The following RAB10 variants were observed in gnomAD, a reference collection of about 807,000 sequenced individuals.
RAB10 encodes the protein RAB10, member RAS oncogene family.
In RAB10, 5 loss-of-function variants were observed where a neutral mutation model predicts 25.7. The observed-to-expected ratio is 0.19, with a 90% confidence interval of 0.10 to 0.41. The LOEUF (loss-of-function observed/expected upper bound fraction) is 0.41. RAB10 is among the 10% of genes least tolerant of loss of function. The probability of loss-of-function intolerance (pLI) is 1.00; values close to 1 mark genes in which losing one functional copy is unlikely to be tolerated. For synonymous variants in RAB10, 89 were observed against 86.4 expected (o/e 1.03, Z -0.16); for missense variants, 103 against 245.8 (o/e 0.42, Z 3.89).
chr2:26,113,743 TAAA>T (rs56063928), intron 3 of RAB10, among the ~76,000 whole-genome samples: 3,933 of 125,558 alleles, frequency 0.031, 168 homozygotes, highest in African/African-American at 0.11. Flanking sequence ...CAGCCAGAGC[TAAA>T]AAAAAAAAAA....
At chr2:26,100,179 C>T (rs1354627794) in intron 2 of RAB10, among the ~76,000 whole-genome samples, 1 of 152,188 alleles carries the variant, frequency 6.6e-6, no homozygotes, top group Non-Finnish European at 1.5e-5. Flanking sequence ...ATGCCCAAGT[C>T]TAATCCAGTC....
intron 3 of RAB10, among the ~76,000 whole-genome samples, chr2:26,111,815 G>A (rs1667578175): frequency 6.6e-6 from 1 of 152,108 alleles, no homozygotes; most frequent in African/African-American, 2.4e-5. Context: ...CCCTGAATTA[G>A]TATCAGACTC....
At chr2:26,035,272 C>G (rs1419132534) in intron 1 of RAB10, among the ~76,000 whole-genome samples, 1 of 152,122 alleles carries the variant, frequency 6.6e-6, no homozygotes, top group Non-Finnish European at 1.5e-5. Flanking sequence ...GTCAAACAAT[C>G]GGAGGCTCTT....
At chr2:26,109,984 G>C in intron 3 of RAB10, 78 bp downstream of exon 3, 1 of 1,339,096 alleles carries the variant, frequency 7.5e-7, no homozygotes, top group Non-Finnish European at 1.0e-6. Flanking sequence ...TATTCCAACT[G>C]ATCTTCAGGA....
At chr2:26,082,873 A>G (rs996251758) in intron 1 of RAB10, among the ~76,000 whole-genome samples, 3 of 152,150 alleles carry the variant, frequency 2.0e-5, no homozygotes, top group Non-Finnish European at 4.4e-5. Context: ...AAATCCAGGA[A>G]TTTATGAAAA....
intron 5 of RAB10, among the ~76,000 whole-genome samples, chr2:26,129,044 G>A (rs1418286707): frequency 5.3e-5 from 8 of 152,058 alleles, no homozygotes; most frequent in Admixed American, 1.3e-4. Context: ...AGGCTGAGGC[G>A]GGTGGATCAC....
intron 1 of RAB10, among the ~76,000 whole-genome samples, chr2:26,096,771 G>A (rs1164467287): frequency 6.6e-6 from 1 of 152,128 alleles, no homozygotes; most frequent in Non-Finnish European, 1.5e-5. Context: ...TGCTTTAGCT[G>A]TATCCTACAA....
At chr2:26,098,391 G>A (rs1336208941) in intron 1 of RAB10, 5 of 364,364 alleles carry the variant, frequency 1.4e-5, no homozygotes, top group African/African-American at 1.1e-4. Context: ...GCCCACCTCA[G>A]CCTCTCAAAA....
At chr2:26,091,426 T>C (rs1485467932) in intron 1 of RAB10, among the ~76,000 whole-genome samples, 2 of 152,014 alleles carry the variant, frequency 1.3e-5, no homozygotes, top group African/African-American at 4.8e-5. Context: ...GGAAAGGTAG[T>C]GAGAGGCGAA....
Position 26,109,778 on chromosome 2 carries a change from G to A in RAB10, c.199G>A (p.Gly67Ser). The change falls in exon 3 of 6, where the codon GGC becomes AGC. Residue 67 changes from glycine (G) to serine (S), a missense_variant. Transcript: ENST00000264710. ...KIKLQIWDTA[G>S]QERFHTITTS... ...GGCTGTTTATTTCAGGGATACAGCA[G>A]GCCAGGAGCGATTTCACACCATCAC... 1 of 1,598,014 alleles carries A rather than the reference G, an allele frequency of 6.3e-7. No homozygotes were observed. The highest frequency in any genetic ancestry group is 8.5e-7 in the Non-Finnish European group (1 of 1,173,616).
intron 1 of RAB10, among the ~76,000 whole-genome samples, chr2:26,098,141 A>C (rs1229063868): frequency 7.7e-5 from 3 of 38,712 alleles, no homozygotes; most frequent in Admixed American, 4.1e-4. Context: ...TTTTTTTGAG[A>C]CATGGTCTTG....
At chr2:26,091,990 G>GGT (rs1176865498) in intron 1 of RAB10, among the ~76,000 whole-genome samples, 3 of 152,098 alleles carry the variant, frequency 2.0e-5, no homozygotes, top group South Asian at 4.2e-4. Context: ...TGGCCAACAT[G>GGT]GTGAAACCCT....
At chr2:26,045,739 A>T (rs1445072460) in intron 1 of RAB10, among the ~76,000 whole-genome samples, 1 of 152,134 alleles carries the variant, frequency 6.6e-6, no homozygotes, top group Non-Finnish European at 1.5e-5. Flanking sequence ...TTTCATTTTT[A>T]TTTGATTTGA....
At chr2:26,106,714 C>A (rs965079583) in intron 2 of RAB10, among the ~76,000 whole-genome samples, 1 of 151,066 alleles carries the variant, frequency 6.6e-6, no homozygotes, top group African/African-American at 2.4e-5. Context: ...GGCAAAACCC[C>A]GTCTCTACTA....
intron 1 of RAB10, among the ~76,000 whole-genome samples, chr2:26,071,620 A>G (rs550083100): frequency 6.6e-6 from 1 of 151,998 alleles, no homozygotes; most frequent in Non-Finnish European, 1.5e-5. Flanking sequence ...CCTGGGAGGC[A>G]GAGGTTGCGG....
intron 1 of RAB10, among the ~76,000 whole-genome samples, chr2:26,070,535 A>G (rs1250300153): frequency 6.6e-6 from 1 of 152,202 alleles, no homozygotes; most frequent in Non-Finnish European, 1.5e-5. Context: ...TGAACCTTGT[A>G]CAATATTATG....
At chr2:26,043,298 T>G (rs1299468491) in intron 1 of RAB10, among the ~76,000 whole-genome samples, 1 of 152,260 alleles carries the variant, frequency 6.6e-6, no homozygotes, top group East Asian at 1.9e-4. Context: ...GGCGCATGCC[T>G]GTAGTACCAG....
intron 1 of RAB10, among the ~76,000 whole-genome samples, chr2:26,044,653 C>G (rs1374435501): frequency 6.6e-6 from 1 of 151,670 alleles, no homozygotes. Context: ...TCAGATGATT[C>G]TCCTGCCTCA....
intron 2 of RAB10, among the ~76,000 whole-genome samples, chr2:26,107,245 CAAAAAAAA>C (rs57391958): frequency 3.0e-5 from 2 of 66,812 alleles, no homozygotes; most frequent in East Asian, 4.5e-4. Context: ...CACCCTGTTT[CAAAAAAAA>C]AAAAAAAAAA....
Sources: gnomAD v4.1 joint callset for allele counts (sites outside exome capture counted in the v4.1 genomes callset) on GRCh38, gnomAD v4.1.1 for gene constraint, MANE v1.5 for transcripts, NCBI Gene and HGNC (gene_info 2026-07-23, HGNC 2026-07-21) for gene names.